Variants in ASAP1 observed in about 807,000 individuals in gnomAD.
The protein encoded by ASAP1 is ArfGAP with SH3 domain, ankyrin repeat and PH domain 1.
A neutral mutation model predicts 145.2 loss-of-function variants in ASAP1; 43 were observed. The observed-to-expected ratio is 0.30, with a 90% CI of 0.23 to 0.38. The LOEUF (loss-of-function observed/expected upper bound fraction) is 0.38. Ranked by LOEUF, ASAP1 falls within the 10% of genes least tolerant of loss-of-function variation. ASAP1 has a pLI of 1.00. For synonymous variants in ASAP1, 546 were observed against 515.5 expected (o/e 1.06, Z -0.80); for missense variants, 1,018 against 1,355.3 (o/e 0.75, Z 3.91).
At chr8:130,262,850 A>G (rs912572848) in intron 3 of ASAP1, among the ~76,000 whole-genome samples, 2 of 152,202 alleles carry the variant, frequency 1.3e-5, no homozygotes, top group African/African-American at 4.8e-5. Context: ...ATTTCCTTGA[A>G]TGACGCGCTA....
Position 130,304,313 on chromosome 8 carries a change from A to G in ASAP1, c.186+53704T>C, listed in dbSNP as rs184620241. Among the ~76,000 whole-genome samples the G allele has an allele frequency of 1.1e-4, 17 of 152,236 alleles. No homozygotes were observed. The East Asian group carries it at 3.3e-3, about 29-fold the overall frequency. On this transcript the variant is annotated intron_variant, in intron 3 of 29. Coordinates refer to ENST00000518721, the MANE Select transcript of ASAP1 (RefSeq NM_018482.4). ...TATTTTATGTTTCTGTTCCAGTTCTAAGTAGATATGAACACCTAATATCCA... is the reference window on the plus strand; with the variant it reads ...TATTTTATGTTTCTGTTCCAGTTCTGAGTAGATATGAACACCTAATATCCA...
chr8:130,275,461 G>A (rs1358378469), intron 3 of ASAP1, among the ~76,000 whole-genome samples: 8 of 152,158 alleles, frequency 5.3e-5, no homozygotes, highest in South Asian at 4.1e-4. Flanking sequence ...CCCCTGAGGC[G>A]TCCCAGCGCC....
intron 11 of ASAP1, among the ~76,000 whole-genome samples, chr8:130,160,296 C>G (rs2097666358): frequency 6.6e-6 from 1 of 152,258 alleles, no homozygotes; most frequent in East Asian, 1.9e-4. Flanking sequence ...GCGGCAGAGG[C>G]AAACACAGGA....
intron 1 of ASAP1, among the ~76,000 whole-genome samples, chr8:130,403,595 C>G (rs945185907): frequency 6.7e-6 from 1 of 148,514 alleles, no homozygotes; most frequent in Non-Finnish European, 1.5e-5. Context: ...ACTCGTTGCC[C>G]AGACTGGAGT....
intron 15 of ASAP1, among the ~76,000 whole-genome samples, chr8:130,130,923 A>G (rs1334815345): frequency 3.3e-5 from 5 of 152,008 alleles, no homozygotes; most frequent in Non-Finnish European, 7.4e-5. Context: ...TTGGGAGGCC[A>G]AGGCGGGCAA....
At chr8:130,392,878 C>T (rs571691565) in intron 2 of ASAP1, among the ~76,000 whole-genome samples, 4 of 152,184 alleles carry the variant, frequency 2.6e-5, no homozygotes, top group East Asian at 1.9e-4. Flanking sequence ...ATGAGGGATC[C>T]GCCTCCATGA....
At chr8:130,389,208 T>A (rs1294668709) in intron 2 of ASAP1, among the ~76,000 whole-genome samples, 4 of 152,244 alleles carry the variant, frequency 2.6e-5, no homozygotes, top group Non-Finnish European at 5.9e-5. Flanking sequence ...TAGAAGCTAC[T>A]GTTATACCCA....
intron 13 of ASAP1, among the ~76,000 whole-genome samples, chr8:130,139,266 A>G (rs912023838): frequency 4.6e-5 from 7 of 152,204 alleles, no homozygotes; most frequent in African/African-American, 1.7e-4. Flanking sequence ...GTTATTGGGA[A>G]GGTTGGGCAG....
At chr8:130,304,804 T>G (rs1224480272) in intron 3 of ASAP1, among the ~76,000 whole-genome samples, 2 of 152,176 alleles carry the variant, frequency 1.3e-5, no homozygotes. Flanking sequence ...GTTTTAAGTG[T>G]AAATATGGTA....
At chr8:130,377,014 T>G (rs1827535057) in intron 2 of ASAP1, among the ~76,000 whole-genome samples, 1 of 148,134 alleles carries the variant, frequency 6.8e-6, no homozygotes, top group Admixed American at 6.8e-5. Context: ...AAGAATCAGA[T>G]CATCTCAGAG....
chr8:130,195,912 C>G (rs1483783785), intron 5 of ASAP1, among the ~76,000 whole-genome samples: 1 of 152,186 alleles, frequency 6.6e-6, no homozygotes, highest in Admixed American at 6.5e-5. Context: ...TGTCTTTATG[C>G]TTTACCACTA....
At chr8:130,305,259 A>G (rs1474611508) in intron 3 of ASAP1, among the ~76,000 whole-genome samples, 2 of 152,210 alleles carry the variant, frequency 1.3e-5, no homozygotes, top group African/African-American at 4.8e-5. Context: ...AACAAATTCA[A>G]TGCACATACT....
chr8:130,071,011 G>GGGGAGAGAGAGA (rs2097444917), intron 27 of ASAP1, among the ~76,000 whole-genome samples: 3 of 11,438 alleles, frequency 2.6e-4, no homozygotes, highest in African/African-American at 4.5e-4. Flanking sequence ...GGGGAGGGGG[G>GGGGAGAGAGAGA]GAGAGAGAGA....
chr8:130,313,857 G>A (rs1051105527), intron 3 of ASAP1, among the ~76,000 whole-genome samples: 2 of 152,082 alleles, frequency 1.3e-5, no homozygotes, highest in Admixed American at 6.5e-5. Context: ...TAAAGCAGCA[G>A]CCTGTCTGCA....
intron 11 of ASAP1, among the ~76,000 whole-genome samples, chr8:130,165,615 G>A (rs2097678400): frequency 6.6e-6 from 1 of 152,208 alleles, no homozygotes. Context: ...TGCAGTCACT[G>A]CCTGAGACTG....
At chr8:130,404,970 C>T (rs575478913) in intron 1 of ASAP1, among the ~76,000 whole-genome samples, 5 of 151,924 alleles carry the variant, frequency 3.3e-5, no homozygotes, top group African/African-American at 7.2e-5. Context: ...ACCACAAGTC[C>T]GGCATGAACC....
chr8:130,279,178 C>A (rs954500793), intron 3 of ASAP1, among the ~76,000 whole-genome samples: 1 of 152,108 alleles, frequency 6.6e-6, no homozygotes, highest in East Asian at 1.9e-4. Flanking sequence ...AACAGAAGTA[C>A]ACGAATCCTA....
At position 130,118,575 on chromosome 8, in the gene ASAP1, C is replaced by T. The variant is rs1422246128; in HGVS notation, c.1708G>A (p.Ala570Thr). The T allele has an allele frequency of 6.2e-7, 1 of 1,614,098 alleles. No individual in the cohort carries two copies. Among genetic ancestry groups the T allele is most frequent in the Non-Finnish European group, 8.5e-7 (1 of 1,179,994 alleles). ...SSAKLNELLE[A>T]IKSRDLLALI... ...GCAAGTAAATCCCTGGATTTGATGG[C>T]CTCAAGCAATTCATTTAGTTTAGCT... The change falls in exon 19 of 30, where the codon GCC (alanine) becomes ACC (threonine). Residue 570 changes from alanine (A) to threonine (T), a missense_variant. Physicochemically the swap from Ala to Thr is moderately conservative, Grantham distance 58. Around this residue, in one of 9 missense-constraint regions of ASAP1, gnomAD observed 353 missense variants for 375.4 expected, o/e 0.94. Coordinates refer to ENST00000518721, the MANE Select transcript of ASAP1 (RefSeq NM_018482.4).
rs1415476694 is a variant in ASAP1 at position 130,071,011 on chromosome 8, G to GA, written c.2701+5336_2701+5337insT. 2.8e-3 allele frequency among the ~76,000 whole-genome samples: 32 copies of GA among 11,438 alleles called. 4 individuals carry two copies. The highest frequency in any genetic ancestry group is 9.2e-3 in the South Asian group (2 of 218). The allele number at this position is 11,438 out of a possible 152,430, so 7.5% of individuals were successfully genotyped here. On this transcript the variant is annotated intron_variant, in intron 27 of 29. Transcript: ENST00000518721. Reference sequence around the variant, plus strand: ...AGAGAGAGAGAGAGAGGGGAGGGGGGGAGAGAGAGAGAGAGAGAGAGAGAG... The same window carrying GA: ...AGAGAGAGAGAGAGAGGGGAGGGGGGAGAGAGAGAGAGAGAGAGAGAGAGAG...
Sources: gnomAD v4.1 joint callset for allele counts (sites outside exome capture counted in the v4.1 genomes callset) on GRCh38, gnomAD v4.1.1 for gene constraint, gnomAD v4.1.1 regional missense constraint, MANE v1.5 for transcripts, NCBI Gene and HGNC (gene_info 2026-07-23, HGNC 2026-07-21) for gene names.